RGS22: variants seen among roughly 807,000 people sequenced by gnomAD.
RGS22 encodes regulator of G protein signaling 22, also known as regulator of G-protein signaling 22.
RGS22 carries 148 observed loss-of-function variants against 172.9 expected under a neutral mutation model. The ratio of observed to expected loss-of-function variants is 0.86; its 90% CI spans 0.75 to 0.98. RGS22 has a LOEUF of 0.98. Ranked by LOEUF, RGS22 falls within the 50% of genes least tolerant of loss-of-function variation. The probability of loss-of-function intolerance (pLI) is 0.00; values close to 1 mark genes in which losing one functional copy is unlikely to be tolerated. For missense variants in RGS22, 1,347 were observed against 1,440.8 expected (o/e 0.93, Z 1.05); for synonymous variants, 458 against 480.2 (o/e 0.95, Z 0.60).
At chr8:99,972,571 C>A (rs1243739164) in intron 23 of RGS22, among the ~76,000 whole-genome samples, 2 of 151,914 alleles carry the variant, frequency 1.3e-5, no homozygotes, top group Non-Finnish European at 2.9e-5. Flanking sequence ...AACAAGCAAT[C>A]CCATCAAAAA....
intron 9 of RGS22, among the ~76,000 whole-genome samples, chr8:100,056,323 T>A (rs1017956232): frequency 6.6e-6 from 1 of 152,174 alleles, no homozygotes; most frequent in African/African-American, 2.4e-5. Context: ...AGCCTGATGA[T>A]GCGACAGAAA....
At position 100,062,363 on chromosome 8, in the gene RGS22, G is replaced by A. The variant is rs114533629; in HGVS notation, c.1514+228C>T. Among the ~76,000 whole-genome samples the A allele has an allele frequency of 9.7e-3, 1,467 of 150,796 alleles. 19 individuals are homozygous for A. Among genetic ancestry groups the A allele is most frequent in the African/African-American group, 0.034 (1,381 of 41,106 alleles). ...TTCTGCTGAAAAAAAAAAAGAATAT[G>A]CTCACCAAAGTTAAAAGGCAACTTA... On this transcript the variant is annotated intron_variant, in intron 9 of 27. Coordinates refer to ENST00000360863, the MANE Select transcript of RGS22 (RefSeq NM_015668.5).
chr8:99,976,650 T>C lies in RGS22; in HGVS notation c.3519+1267A>G, dbSNP rs372926250. 5.7e-4 allele frequency among the ~76,000 whole-genome samples: 87 copies of C among 152,272 alleles called. No individual in the cohort carries two copies. The South Asian group carries it at 0.011, about 20-fold the overall frequency. On this transcript the variant is annotated intron_variant, in intron 23 of 27. Coordinates refer to ENST00000360863, the MANE Select transcript of RGS22 (RefSeq NM_015668.5). ...TGCTGGGATTACAGGCGTGAGCCAC[T>C]GCGCCCGACTGAACCACTGTCTTTA...
intron 23 of RGS22, among the ~76,000 whole-genome samples, chr8:99,968,849 G>A (rs930563913): frequency 1.3e-5 from 2 of 152,070 alleles, no homozygotes; most frequent in African/African-American, 4.8e-5. Flanking sequence ...AGCAAGATAG[G>A]CCAACATTCA....
Position 100,038,934 on chromosome 8 carries a change from C to A in RGS22, c.2163G>T (p.Ala721=), listed in dbSNP as rs748468054. Residue 721 remains alanine, a synonymous_variant, in exon 14 of 28, where the codon GCG becomes GCT. Coordinates refer to ENST00000360863, the MANE Select transcript of RGS22 (RefSeq NM_015668.5). ...ACCAATATTATTTACTACGTACTTG[C>A]GCTTGCTTGCATACTTTAAAAGGCT... The part of the protein sequence containing the change: ...TLQPFKVCKQ[A]QYLFATYVAP... 1.2e-6 allele frequency: 2 copies of A among 1,601,700 alleles called. No homozygotes were observed. The highest frequency in any genetic ancestry group is 1.7e-6 in the Non-Finnish European group (2 of 1,170,896).
chr8:100,075,121 C>T (rs190582936), intron 4 of RGS22, among the ~76,000 whole-genome samples: 88 of 152,128 alleles, frequency 5.8e-4, no homozygotes, highest in Admixed American at 4.5e-3. Context: ...GGGTAATACT[C>T]AGGAGTAGGA....
intron 23 of RGS22, among the ~76,000 whole-genome samples, chr8:99,973,783 C>T (rs1372072856): frequency 2.0e-5 from 3 of 151,038 alleles, no homozygotes; most frequent in Non-Finnish European, 2.9e-5. Flanking sequence ...GCAGGAGAAT[C>T]GCTTGAACCC....
At chr8:99,978,790 T>G (rs73274924) in intron 22 of RGS22, among the ~76,000 whole-genome samples, 13,558 of 152,192 alleles carry the variant, frequency 0.089, 766 homozygotes, top group African/African-American at 0.15. Flanking sequence ...AGGTAGGACT[T>G]GCCACATAAG....
chr8:100,039,942 T>A lies in RGS22; in HGVS notation c.2064+20A>T, dbSNP rs573937568. On this transcript the variant is annotated intron_variant, in intron 13 of 27. Coordinates refer to ENST00000360863, the MANE Select transcript of RGS22 (RefSeq NM_015668.5). ...ATGAAGTAAAATTATAAAATTAAAT[T>A]TTAAATAATTCTTTTCTACCTTGTT... is the stretch of plus-strand genomic sequence containing the variant. 2.5e-4 allele frequency: 341 copies of A among 1,373,884 alleles called. No homozygotes were observed. Among genetic ancestry groups the A allele is most frequent in the Non-Finnish European group, 3.1e-4 (328 of 1,043,818 alleles). 85.1% of individuals were successfully genotyped at this position (1,373,884 alleles called of 1,614,324 possible). A position where few individuals can be genotyped will look rare whatever the true frequency, so the allele number is the denominator to read the frequency against.
At chr8:100,055,850 G>A (rs1033474725) in intron 9 of RGS22, among the ~76,000 whole-genome samples, 17 of 152,040 alleles carry the variant, frequency 1.1e-4, no homozygotes, top group Non-Finnish European at 2.4e-4. Flanking sequence ...ACCCAGTCTC[G>A]GGTATGTCTT....
At chr8:100,097,394 G>A (rs540527817) in intron 2 of RGS22, among the ~76,000 whole-genome samples, 1 of 152,324 alleles carries the variant, frequency 6.6e-6, no homozygotes, top group Non-Finnish European at 1.5e-5. Flanking sequence ...TACAGGTGAA[G>A]TTTATCAATG....
At chr8:100,031,846 C>G (rs931000474) in intron 14 of RGS22, among the ~76,000 whole-genome samples, 11 of 152,090 alleles carry the variant, frequency 7.2e-5, no homozygotes, top group South Asian at 6.2e-4. Context: ...AGCCAGAAGA[C>G]AGTGGGGGCC....
intron 12 of RGS22, among the ~76,000 whole-genome samples, chr8:100,041,264 G>T (rs910718014): frequency 6.6e-6 from 1 of 152,136 alleles, no homozygotes; most frequent in Non-Finnish European, 1.5e-5. Context: ...CGAGACAGGC[G>T]GATTGCCTGA....
In RGS22 at chr8:100,071,321, G is replaced by A. The variant is rs774087653; in HGVS notation, c.594+48C>T. On this transcript the variant is annotated intron_variant, in intron 6 of 27. Coordinates refer to ENST00000360863, the MANE Select transcript of RGS22 (RefSeq NM_015668.5). ...ATGTATAAAATAAAAAATAAAATCA[G>A]AAGTGTTAGTGAAGCGCTAAGTCAT... The A allele has an allele frequency of 7.6e-6, 11 of 1,447,590 alleles. No homozygotes were observed. The African/African-American group carries it at 1.3e-4, about 17-fold the overall frequency. 89.7% of individuals were successfully genotyped at this position (1,447,590 alleles called of 1,614,324 possible).
intron 6 of RGS22, 75 bp from the exon 7 acceptor site, chr8:100,066,371 TATA>T: frequency 8.4e-7 from 1 of 1,192,580 alleles, no homozygotes; most frequent in Admixed American, 2.0e-5. Context: ...GAAAAATCAT[TATA>T]ATAATATTCA....
At chr8:100,079,267 G>A (rs568108389) in intron 4 of RGS22, among the ~76,000 whole-genome samples, 6 of 152,208 alleles carry the variant, frequency 3.9e-5, no homozygotes, top group Admixed American at 6.5e-5. Flanking sequence ...TTCTGGCTTC[G>A]AAACAATGTT....
At position 100,051,741 on chromosome 8, in the gene RGS22, ATATATATT is replaced by A. The variant is rs1204616068; in HGVS notation, c.1689+1053_1689+1060del. Among the ~76,000 whole-genome samples the A allele has an allele frequency of 1.5e-4, 12 of 78,764 alleles. 3 individuals carry two copies. Among genetic ancestry groups the A allele is most frequent in the East Asian group, 1.1e-3 (3 of 2,680 alleles). The allele number at this position is 78,764 out of a possible 152,430, so 51.7% of individuals were successfully genotyped here. On this transcript the variant is annotated intron_variant, in intron 10 of 27. Coordinates refer to ENST00000360863, the MANE Select transcript of RGS22 (RefSeq NM_015668.5). ...TATATTTATATATACGTATATATAA[ATATATATT>A]TATATATTTATATATAAATGTTTAT...
chr8:99,997,548 T>C (rs1304507457), intron 19 of RGS22, among the ~76,000 whole-genome samples: 2 of 152,190 alleles, frequency 1.3e-5, no homozygotes, highest in African/African-American at 4.8e-5. Flanking sequence ...TCAGCTCAAA[T>C]GACTAAGGAT....
chr8:100,052,220 C>CATATATAAATAT lies in RGS22; in HGVS notation c.1689+581_1689+582insATATTTATATAT, dbSNP rs1563673462. On this transcript the variant is annotated intron_variant, in intron 10 of 27. Transcript: ENST00000360863. ...AAATATATAAACATATATAAATATACACATATATATGTATATTTATATATA... is the reference window on the plus strand; with the variant it reads ...AAATATATAAACATATATAAATATACATATATAAATATACATATATATGTATATTTATATATA... Among the ~76,000 whole-genome samples, 2 of 83,082 alleles carry CATATATAAATAT rather than the reference C, an allele frequency of 2.4e-5. 1 individual carries two copies. The highest frequency in any genetic ancestry group is 1.1e-4 in the African/African-American group (2 of 19,040). The allele number at this position is 83,082 out of a possible 152,430, so 54.5% of individuals were successfully genotyped here.
Sources: gnomAD v4.1 joint callset for allele counts (sites outside exome capture counted in the v4.1 genomes callset) on GRCh38, gnomAD v4.1.1 for gene constraint, MANE v1.5 for transcripts, NCBI Gene and HGNC (gene_info 2026-07-23, HGNC 2026-07-21) for gene names.